Variants in PDSS2 observed in about 807,000 individuals in gnomAD.
PDSS2 encodes all trans-polyprenyl-diphosphate synthase PDSS2.
Under a neutral mutation model 44.5 loss-of-function variants are expected in PDSS2, and 31 were observed. That is an observed-to-expected ratio of 0.70 (90% confidence interval 0.52 to 0.94). The LOEUF is 0.94. PDSS2 is among the 40% of genes least tolerant of loss of function. The pLI is 0.00. For missense variants in PDSS2, 452 were observed against 482.2 expected, an observed-to-expected ratio of 0.94 and a Z score of 0.59; for synonymous variants, 157 against 180.3, an observed-to-expected ratio of 0.87 and a Z score of 1.03.
Position 107,459,306 on chromosome 6 carries a change from T to C in PDSS2, c.-21A>G, listed in dbSNP as rs750182722. 2 of 1,611,168 alleles carry C rather than the reference T, an allele frequency of 1.2e-6. No individual in the cohort carries two copies. Among genetic ancestry groups the C allele is most frequent in the Admixed American group, 1.7e-5 (1 of 60,022 alleles). On this transcript the variant is annotated 5_prime_UTR_variant, in exon 1 of 8. Transcript: ENST00000369037. The surrounding 1 kb of genome is among the most constrained non-coding windows in gnomAD (Gnocchi z 4.3). Reference sequence around the variant, plus strand: ...TTCATGGTTTGAGTCTGGAAGGGTCTGGGACCTGGGGGTATCCAGAAGTGC... The same window carrying C: ...TTCATGGTTTGAGTCTGGAAGGGTCCGGGACCTGGGGGTATCCAGAAGTGC...
chr6:107,183,251 T>C (rs551081395), intron 7 of PDSS2, among the ~76,000 whole-genome samples: 1 of 151,642 alleles, frequency 6.6e-6, no homozygotes, highest in South Asian at 2.1e-4. Context: ...CATACCATTA[T>C]GGTATTTTGA....
chr6:107,437,430 T>C (rs1781384383), intron 1 of PDSS2, among the ~76,000 whole-genome samples: 1 of 147,606 alleles, frequency 6.8e-6, no homozygotes, highest in African/African-American at 2.5e-5. Context: ...GAGGCTGAGG[T>C]ACAAGAATTG....
At chr6:107,437,354 G>A (rs1046246915) in intron 1 of PDSS2, among the ~76,000 whole-genome samples, 2 of 152,044 alleles carry the variant, frequency 1.3e-5, no homozygotes, top group Middle Eastern at 3.4e-3. Context: ...GCGAAACCCT[G>A]TCTTTACTAA....
chr6:107,259,197 T>C (rs184161608), intron 3 of PDSS2, among the ~76,000 whole-genome samples: 18 of 152,320 alleles, frequency 1.2e-4, no homozygotes, highest in Non-Finnish European at 1.9e-4. Context: ...ATTTTAATGA[T>C]TAAATTTTCT....
chr6:107,191,957 T>C (rs1374485490), intron 7 of PDSS2, among the ~76,000 whole-genome samples: 2 of 152,166 alleles, frequency 1.3e-5, no homozygotes, highest in Admixed American at 1.3e-4. Context: ...TGTGGGATGC[T>C]GATGGTGAGG....
At chr6:107,274,934 A>G (rs1416003057) in intron 2 of PDSS2, among the ~76,000 whole-genome samples, 1 of 152,134 alleles carries the variant, frequency 6.6e-6, no homozygotes, top group Non-Finnish European at 1.5e-5. Context: ...CGGACACCCA[A>G]AGTGCTGGAA....
chr6:107,442,459 T>A (rs748023519), intron 1 of PDSS2, among the ~76,000 whole-genome samples: 11 of 152,078 alleles, frequency 7.2e-5, no homozygotes, highest in East Asian at 1.9e-4. Context: ...CAAAAGCAAT[T>A]TCTATGCTTG....
At chr6:107,171,849 C>A (rs1396590502) in intron 7 of PDSS2, among the ~76,000 whole-genome samples, 9 of 152,086 alleles carry the variant, frequency 5.9e-5, no homozygotes, top group Non-Finnish European at 1.3e-4. Flanking sequence ...TCCATTCCTG[C>A]CTTCATCTAC....
At chr6:107,445,712 C>A (rs1239895446) in intron 1 of PDSS2, among the ~76,000 whole-genome samples, 1 of 152,176 alleles carries the variant, frequency 6.6e-6, no homozygotes, top group Non-Finnish European at 1.5e-5. Flanking sequence ...CTGACGACGG[C>A]TTCCTTACCT....
intron 1 of PDSS2, among the ~76,000 whole-genome samples, chr6:107,451,294 T>C (rs1781858617): frequency 6.6e-6 from 1 of 152,196 alleles, no homozygotes; most frequent in South Asian, 2.1e-4. Flanking sequence ...CATAGTAGTA[T>C]CCCATTGTTG....
At position 107,459,264 on chromosome 6, in the gene PDSS2, A is replaced by G. The variant is rs1782167482; in HGVS notation, c.22T>C (p.Leu8=). 1 of 1,614,108 alleles carries G rather than the reference A, an allele frequency of 6.2e-7. No homozygotes were observed. Among genetic ancestry groups the G allele is most frequent in the Non-Finnish European group, 8.5e-7 (1 of 1,180,018 alleles). ...GCTCCAAGATAACGTGGCAAGTGCA[A>G]CAGCAGCTGCCGAAAGTTCATGGTT... MNFRQLL[L]HLPRYLGASG... is the part of the protein sequence containing the mutation. Residue 8 remains leucine (L), a synonymous_variant, in exon 1 of 8, where the codon TTG becomes CTG. Coordinates refer to ENST00000369037, the MANE Select transcript of PDSS2 (RefSeq NM_020381.4). This position sits in a 1 kb window ranked among gnomAD's most constrained non-coding sequence, Gnocchi z 4.3.
At chr6:107,281,389 T>A (rs1775955164) in intron 2 of PDSS2, among the ~76,000 whole-genome samples, 1 of 152,174 alleles carries the variant, frequency 6.6e-6, no homozygotes, top group Non-Finnish European at 1.5e-5. Flanking sequence ...TTGTTGTAAG[T>A]CTTGTTAGAG....
intron 2 of PDSS2, among the ~76,000 whole-genome samples, chr6:107,328,207 A>G (rs532748047): frequency 6.6e-6 from 1 of 152,318 alleles, no homozygotes; most frequent in South Asian, 2.1e-4. Flanking sequence ...CACTGTTCTA[A>G]GGGTTCTCGA....
intron 6 of PDSS2, among the ~76,000 whole-genome samples, chr6:107,195,040 C>T (rs533471177): frequency 3.3e-5 from 5 of 152,164 alleles, no homozygotes; most frequent in African/African-American, 1.2e-4. Context: ...AATAAAATTT[C>T]TCCTGCCACT....
intron 1 of PDSS2, among the ~76,000 whole-genome samples, chr6:107,421,528 A>G (rs913941639): frequency 3.9e-5 from 6 of 152,124 alleles, no homozygotes; most frequent in African/African-American, 1.4e-4. Context: ...ACTGGCATAC[A>G]CAACTTAGGT....
intron 1 of PDSS2, among the ~76,000 whole-genome samples, chr6:107,354,260 C>G (rs1778526655): frequency 6.6e-6 from 1 of 152,096 alleles, no homozygotes; most frequent in Admixed American, 6.5e-5. Context: ...ATTAATCTGA[C>G]AAGGAGAACA....
chr6:107,373,942 G>A (rs913373367), intron 1 of PDSS2, among the ~76,000 whole-genome samples: 1 of 152,094 alleles, frequency 6.6e-6, no homozygotes, highest in African/African-American at 2.4e-5. Flanking sequence ...TTCTAAAGAA[G>A]GATCCTGTGA....
chr6:107,259,276 A>C (rs1038557434), intron 3 of PDSS2, among the ~76,000 whole-genome samples: 1 of 152,252 alleles, frequency 6.6e-6, no homozygotes, highest in Non-Finnish European at 1.5e-5. Flanking sequence ...CTGAAATAAT[A>C]GATGGATGAA....
chr6:107,326,387 G>A (rs1327617036), intron 2 of PDSS2, among the ~76,000 whole-genome samples: 2 of 151,700 alleles, frequency 1.3e-5, no homozygotes, highest in East Asian at 3.9e-4. Flanking sequence ...TGGGATTACA[G>A]GCGTAAGCCA....
Sources: gnomAD v4.1 joint callset for allele counts (sites outside exome capture counted in the v4.1 genomes callset) on GRCh38, gnomAD v4.1.1 for gene constraint, Gnocchi (gnomAD v3.1) non-coding constraint, MANE v1.5 for transcripts, NCBI Gene and HGNC (gene_info 2026-07-23, HGNC 2026-07-21) for gene names.